The following CAMKMT variants were observed in gnomAD, a reference collection of about 807,000 sequenced individuals.
CAMKMT encodes calmodulin-lysine N-methyltransferase.
CAMKMT carries 53 observed loss-of-function variants against 48.0 expected under a neutral mutation model. That is an observed-to-expected ratio of 1.10 (90% CI 0.89 to 1.39). The LOEUF (loss-of-function observed/expected upper bound fraction) is 1.39, where lower values mean the gene tolerates loss of function less well. Among genes scored for constraint, CAMKMT ranks in the 40% most tolerant of loss-of-function variants. The probability of loss-of-function intolerance (pLI) is 0.00; values close to 1 mark genes in which losing one functional copy is unlikely to be tolerated. For missense variants in CAMKMT, 428 were observed against 402.7 expected (o/e 1.06, Z -0.54); for synonymous variants, 165 against 152.3 (o/e 1.08, Z -0.61).
At chr2:44,670,930 T>G (rs899701009) in intron 3 of CAMKMT, among the ~76,000 whole-genome samples, 1 of 152,194 alleles carries the variant, frequency 6.6e-6, no homozygotes, top group African/African-American at 2.4e-5. Flanking sequence ...CTTCTGCTCT[T>G]GACCTATCAA....
At chr2:44,564,089 C>A (rs1226983431) in intron 3 of CAMKMT, among the ~76,000 whole-genome samples, 1 of 152,054 alleles carries the variant, frequency 6.6e-6, no homozygotes, top group Non-Finnish European at 1.5e-5. Context: ...TACAGTCCCA[C>A]CAATAGTGTA....
At chr2:44,529,374 A>G (rs984996676) in intron 3 of CAMKMT, among the ~76,000 whole-genome samples, 1 of 152,206 alleles carries the variant, frequency 6.6e-6, no homozygotes, top group African/African-American at 2.4e-5. Flanking sequence ...ATGAAAATGA[A>G]AAGCTTCCCT....
chr2:44,702,154 G>A (rs923972057), intron 3 of CAMKMT, among the ~76,000 whole-genome samples: 1 of 151,958 alleles, frequency 6.6e-6, no homozygotes, highest in Non-Finnish European at 1.5e-5. Context: ...CAAGCTAAAG[G>A]CATAAAGAAA....
chr2:44,550,379 G>A (rs1323095654), intron 3 of CAMKMT, among the ~76,000 whole-genome samples: 1 of 149,774 alleles, frequency 6.7e-6, no homozygotes, highest in African/African-American at 2.5e-5. Flanking sequence ...GACAGAGTGA[G>A]ACTCTGTCTC....
At chr2:44,455,377 A>T (rs1667510126) in intron 3 of CAMKMT, among the ~76,000 whole-genome samples, 1 of 152,138 alleles carries the variant, frequency 6.6e-6, no homozygotes, top group Non-Finnish European at 1.5e-5. Context: ...TTGAGGTCTG[A>T]GCAGTGCAGG....
At chr2:44,573,062 A>G (rs1485636492) in intron 3 of CAMKMT, among the ~76,000 whole-genome samples, 2 of 148,898 alleles carry the variant, frequency 1.3e-5, no homozygotes, top group East Asian at 2.0e-4. Flanking sequence ...TAATCTTTTC[A>G]TGTGCTGCTA....
At chr2:44,381,631 C>T (rs1680250501) in intron 2 of CAMKMT, among the ~76,000 whole-genome samples, 1 of 152,096 alleles carries the variant, frequency 6.6e-6, no homozygotes, top group Admixed American at 6.6e-5. Flanking sequence ...TTGAACTTGG[C>T]AGCCATTAAA....
chr2:44,698,787 G>T (rs563977665), intron 3 of CAMKMT, among the ~76,000 whole-genome samples: 10 of 152,328 alleles, frequency 6.6e-5, no homozygotes, highest in African/African-American at 2.4e-4. Flanking sequence ...TGTAGCATGC[G>T]ATGCTATTTG....
chr2:44,544,588 A>G (rs1667294735), intron 3 of CAMKMT, among the ~76,000 whole-genome samples: 1 of 152,220 alleles, frequency 6.6e-6, no homozygotes, highest in African/African-American at 2.4e-5. Context: ...TAAAAATCAC[A>G]GCATGAGGCT....
At chr2:44,608,159 G>A (rs1196554492) in intron 3 of CAMKMT, among the ~76,000 whole-genome samples, 2 of 140,392 alleles carry the variant, frequency 1.4e-5, no homozygotes, top group Non-Finnish European at 3.0e-5. Context: ...TGCAAGCTCC[G>A]CCTCCCGGGT....
chr2:44,579,902 T>A (rs199865001), intron 3 of CAMKMT, among the ~76,000 whole-genome samples: 1 of 150,570 alleles, frequency 6.6e-6, no homozygotes, highest in Non-Finnish European at 1.5e-5. Context: ...GACTGCCATT[T>A]CTTTTGGAAA....
chr2:44,651,299 T>C (rs542681499), intron 3 of CAMKMT, among the ~76,000 whole-genome samples: 10 of 152,252 alleles, frequency 6.6e-5, no homozygotes, highest in Admixed American at 3.3e-4. Context: ...AATAGTCAAC[T>C]GACTTACGCA....
At chr2:44,477,649 C>G (rs1442899531) in intron 3 of CAMKMT, among the ~76,000 whole-genome samples, 3 of 152,076 alleles carry the variant, frequency 2.0e-5, no homozygotes, top group Non-Finnish European at 4.4e-5. Flanking sequence ...TTTTCTATTC[C>G]TCCATTTTGC....
intron 3 of CAMKMT, among the ~76,000 whole-genome samples, chr2:44,430,192 C>T (rs1252940870): frequency 6.6e-6 from 1 of 151,948 alleles, no homozygotes; most frequent in Non-Finnish European, 1.5e-5. Context: ...TCTGATGTTT[C>T]AAAAGAATCT....
chr2:44,390,367 G>A lies in CAMKMT; in HGVS notation c.376+62G>A, dbSNP rs946290489. 20 of 1,206,924 alleles carry A rather than the reference G, an allele frequency of 1.7e-5. 1 individual carries two copies. The highest frequency in any genetic ancestry group is 2.1e-4 in the Middle Eastern group (1 of 4,798). 74.8% of individuals were successfully genotyped at this position (1,206,924 alleles called of 1,614,324 possible). ...TGTTTTACAAAGTGAATTTATAGTT[G>A]ATGTTTTCTTCTCACTAATATTTAT... On this transcript the variant is annotated intron_variant, in intron 3 of 10. Transcript: ENST00000378494.
chr2:44,745,996 A>G (rs1252094033), intron 8 of CAMKMT, among the ~76,000 whole-genome samples: 1 of 152,192 alleles, frequency 6.6e-6, no homozygotes, highest in Non-Finnish European at 1.5e-5. Context: ...ATTTTTAAGA[A>G]TGTCACTGGG....
intron 3 of CAMKMT, among the ~76,000 whole-genome samples, chr2:44,426,386 T>C (rs2104523787): frequency 6.6e-6 from 1 of 152,164 alleles, no homozygotes; most frequent in Admixed American, 6.5e-5. Context: ...TGGGAAAAAA[T>C]GAAGTTAAAT....
intron 3 of CAMKMT, among the ~76,000 whole-genome samples, chr2:44,564,410 A>G (rs1044612695): frequency 6.6e-6 from 1 of 152,006 alleles, no homozygotes; most frequent in East Asian, 1.9e-4. Flanking sequence ...CCTGACCTCA[A>G]CTGATCCACC....
intron 3 of CAMKMT, among the ~76,000 whole-genome samples, chr2:44,465,761 TA>T (rs1467305766): frequency 6.6e-6 from 1 of 152,112 alleles, no homozygotes; most frequent in Non-Finnish European, 1.5e-5. Flanking sequence ...GATTTAATTA[TA>T]AAAACTTCAA....
Sources: gnomAD v4.1 joint callset for allele counts (sites outside exome capture counted in the v4.1 genomes callset) on GRCh38, gnomAD v4.1.1 for gene constraint, MANE v1.5 for transcripts, NCBI Gene and HGNC (gene_info 2026-07-23, HGNC 2026-07-21) for gene names.